Variants in LONRF1 observed in about 807,000 individuals in gnomAD.
The protein encoded by LONRF1 is LON peptidase N-terminal domain and RING finger protein 1.
LONRF1 carries 37 observed loss-of-function variants against 85.8 expected under a neutral mutation model. The observed-to-expected ratio is 0.43, with a 90% CI of 0.33 to 0.57. The LOEUF (loss-of-function observed/expected upper bound fraction) is 0.57, where lower values mean the gene tolerates loss of function less well. Among genes scored for constraint, LONRF1 ranks in the 20% least tolerant of loss-of-function variants. The probability of loss-of-function intolerance (pLI) is 0.04; values close to 1 mark genes in which losing one functional copy is unlikely to be tolerated. For missense variants in LONRF1, 1,036 were observed against 978.0 expected (o/e 1.06, Z -0.79); for synonymous variants, 517 against 390.1 (o/e 1.33, Z -3.83).
chr8:12,729,093 T>C (rs1798430998), intron 9 of LONRF1, 30 bp from the exon 10 acceptor site: 2 of 1,612,610 alleles, frequency 1.2e-6, no homozygotes, highest in Middle Eastern at 1.7e-4. Flanking sequence ...AGTAACAAAG[T>C]TGAAACATAA....
intron 3 of LONRF1, chr8:12,738,837 T>C (rs549171023): frequency 6.6e-6 from 1 of 152,296 alleles, no homozygotes; most frequent in African/African-American, 2.4e-5. Flanking sequence ...GATTCTGATA[T>C]TTTTGGTGGT....
At chr8:12,745,859 T>C (rs1012216951) in intron 1 of LONRF1, among the ~76,000 whole-genome samples, 2 of 152,298 alleles carry the variant, frequency 1.3e-5, no homozygotes, top group African/African-American at 4.8e-5. Flanking sequence ...TCTCTGGTCT[T>C]GTACCCATAT....
chr8:12,746,916 G>C (rs551322780), intron 1 of LONRF1, among the ~76,000 whole-genome samples: 1 of 152,166 alleles, frequency 6.6e-6, no homozygotes, highest in Admixed American at 6.5e-5. Flanking sequence ...ATAGTACTTA[G>C]AACAGGGCTT....
chr8:12,741,095 G>T, intron 2 of LONRF1, 99 bp from the exon 3 acceptor site: 1 of 1,408,648 alleles, frequency 7.1e-7, no homozygotes, highest in Non-Finnish European at 9.7e-7. Context: ...CAGCAGTGCC[G>T]ATTCTGGGCC....
intron 10 of LONRF1, among the ~76,000 whole-genome samples, chr8:12,727,707 G>A (rs1798373445): frequency 1.3e-5 from 2 of 152,116 alleles, no homozygotes; most frequent in Non-Finnish European, 2.9e-5. Context: ...TTACAAAGAA[G>A]AACCTTTAGC....
intron 8 of LONRF1, 171 bp from the exon 9 acceptor site, chr8:12,729,503 T>G (rs1338671297): frequency 1.7e-6 from 1 of 603,258 alleles, no homozygotes; most frequent in African/African-American, 1.9e-5. Flanking sequence ...CAGCACCCCG[T>G]TCACTAAGCT....
At chr8:12,738,293 A>C in intron 3 of LONRF1, 149 bp from the exon 4 acceptor site, 1 of 542,512 alleles carries the variant, frequency 1.8e-6, no homozygotes, top group Non-Finnish European at 3.1e-6. Context: ...GCAACACTGT[A>C]AGTTCAAAAG....
At chr8:12,740,779 C>T in intron 3 of LONRF1, 95 bp downstream of exon 3, 2 of 1,450,148 alleles carry the variant, frequency 1.4e-6, no homozygotes, top group East Asian at 2.3e-5. Flanking sequence ...TTATTTACTA[C>T]TTATGTTCTT....
At chr8:12,735,036 C>T (rs953467235) in intron 7 of LONRF1, among the ~76,000 whole-genome samples, 1 of 151,936 alleles carries the variant, frequency 6.6e-6, no homozygotes, top group Non-Finnish European at 1.5e-5. Context: ...ACCATACCCA[C>T]TTTTGTTTAA....
chr8:12,746,688 G>C (rs897899291), intron 1 of LONRF1, among the ~76,000 whole-genome samples: 8 of 152,026 alleles, frequency 5.3e-5, no homozygotes, highest in African/African-American at 9.7e-5. Flanking sequence ...ACAATCTTCA[G>C]CACAATTCTA....
chr8:12,752,859 A>C (rs1799464284), intron 1 of LONRF1, among the ~76,000 whole-genome samples: 1 of 152,236 alleles, frequency 6.6e-6, no homozygotes, highest in South Asian at 2.1e-4. Context: ...TGACCAAAAA[A>C]ACTTCCTTGG....
chr8:12,723,725 G>C (rs2117210648), intron 11 of LONRF1, among the ~76,000 whole-genome samples: 1 of 152,332 alleles, frequency 6.6e-6, no homozygotes, highest in South Asian at 2.1e-4. Context: ...TCCTGTGGGG[G>C]CAACATGCCC....
chr8:12,737,212 C>G (rs1480469572), intron 4 of LONRF1, 72 bp from the exon 5 acceptor site: 2 of 1,548,088 alleles, frequency 1.3e-6, no homozygotes, highest in East Asian at 2.3e-5. Flanking sequence ...AAGAATCAAA[C>G]TGAAATGAAA....
At chr8:12,749,961 T>G (rs146320354) in intron 1 of LONRF1, among the ~76,000 whole-genome samples, 10 of 152,348 alleles carry the variant, frequency 6.6e-5, no homozygotes, top group Middle Eastern at 3.4e-3. Flanking sequence ...TGGTATATAG[T>G]AGCTACTCAA....
chr8:12,726,006 A>G (rs913672303), intron 10 of LONRF1, 127 bp from the exon 11 acceptor site: 2 of 780,300 alleles, frequency 2.6e-6, no homozygotes, highest in Admixed American at 2.6e-5. Flanking sequence ...CTGACGTCCC[A>G]GAGAGTATTA....
At chr8:12,746,452 T>C (rs999403612) in intron 1 of LONRF1, among the ~76,000 whole-genome samples, 8 of 152,190 alleles carry the variant, frequency 5.3e-5, no homozygotes, top group Non-Finnish European at 1.5e-5. Context: ...TTGATAAGTT[T>C]TTATCATCCA....
chr8:12,739,253 G>GA (rs936015607), intron 3 of LONRF1, among the ~76,000 whole-genome samples: 7 of 136,316 alleles, frequency 5.1e-5, no homozygotes, highest in African/African-American at 2.0e-4. Flanking sequence ...ACTACTAACT[G>GA]AAAACCACAA....
chr8:12,723,003 T>C lies in LONRF1; in HGVS notation c.*93A>G. The C allele has an allele frequency of 8.1e-7, 1 of 1,227,346 alleles. No homozygotes were observed. 76.0% of individuals were successfully genotyped at this position (1,227,346 alleles called of 1,614,324 possible). A position where few individuals can be genotyped will look rare whatever the true frequency, so the allele number is the denominator to read the frequency against. The stretch of plus-strand genomic sequence containing the variant: ...AAAAAGAAAAGTTTCATTAAATTTC[T>C]GAAACCAGCACTAGATGTGCAAAGG... On this transcript the variant is annotated 3_prime_UTR_variant, in exon 12 of 12. Coordinates refer to ENST00000398246, the MANE Select transcript of LONRF1 (RefSeq NM_152271.5).
At chr8:12,732,628 G>T (rs568919577) in intron 7 of LONRF1, among the ~76,000 whole-genome samples, 40 of 152,246 alleles carry the variant, frequency 2.6e-4, no homozygotes, top group African/African-American at 9.4e-4. Context: ...TTCAAGGTCT[G>T]ACTCCAATTT....
Sources: allele counts gnomAD v4.1 joint callset (sites outside exome capture counted in the v4.1 genomes callset), GRCh38; gene constraint gnomAD v4.1.1; transcripts MANE v1.5; gene names NCBI Gene and HGNC (gene_info 2026-07-23, HGNC 2026-07-21).